CES2: variants seen among roughly 807,000 people sequenced by gnomAD.
The protein encoded by CES2 is cocaine esterase.
CES2 carries 42 observed loss-of-function variants against 52.1 expected under a neutral mutation model. The observed-to-expected ratio is 0.81, with a 90% CI of 0.63 to 1.04. The LOEUF is 1.04. Among genes scored for constraint, CES2 ranks in the 50% least tolerant of loss-of-function variants. The pLI, the probability that CES2 is intolerant of heterozygous loss-of-function variation, is 0.00. For synonymous variants in CES2, 277 were observed against 289.6 expected, an observed-to-expected ratio of 0.96 and a Z score of 0.44; for missense variants, 656 against 724.3, an observed-to-expected ratio of 0.91 and a Z score of 1.08.
rs1214941885 is a variant in CES2 at position 66,944,116 on chromosome 16, G to A, written c.*91G>A. On this transcript the variant is annotated 3_prime_UTR_variant, in exon 12 of 12. Transcript: ENST00000317091. Reference sequence around the variant, plus strand: ...CACACCCACTAAGGAGAAAGAAGTTGATTCCTTCATTCACTTCGCCATTCA... The same window carrying A: ...CACACCCACTAAGGAGAAAGAAGTTAATTCCTTCATTCACTTCGCCATTCA... 6.8e-6 allele frequency: 4 copies of A among 590,196 alleles called. No homozygotes were observed. The highest frequency in any genetic ancestry group is 1.1e-5 in the Non-Finnish European group (4 of 357,966). The allele number at this position is 590,196 out of a possible 1,614,324, so 36.6% of individuals were successfully genotyped here.
At chr16:66,935,283 G>C, upstream of CES2, 1 of 738,398 alleles carries the variant, frequency 1.4e-6, no homozygotes, top group Non-Finnish European at 2.2e-6. Flanking sequence ...CCCCCAGCGC[G>C]CTCATCGGGC....
chr16:66,941,018 AGTACCCTCTGAGATTTGGG>A, intron 5 of CES2, 87 bp from the exon 6 acceptor site: 1 of 1,489,742 alleles, frequency 6.7e-7, no homozygotes, highest in Non-Finnish European at 9.1e-7. Flanking sequence ...ACTCATACGA[AGTACCCTCTGAGATTTGGG>A]GTACCCCTGT....
Position 66,941,494 on chromosome 16 carries a change from A to G in CES2, c.916-12A>G, listed in dbSNP as rs765167043. On this transcript the variant is annotated splice_polypyrimidine_tract_variant and intron_variant, in intron 6 of 11. Coordinates refer to ENST00000317091, the MANE Select transcript of CES2 (RefSeq NM_001365405.1). ...ACCTGACCTTGTTCCCTGACCTTAC[A>G]TTTCCCCTCAGCCTTTCAAGATGAT... 10 of 1,613,398 alleles carry G rather than the reference A, an allele frequency of 6.2e-6. No individual in the cohort carries two copies. Among genetic ancestry groups the G allele is most frequent in the Non-Finnish European group, 8.5e-6 (10 of 1,179,766 alleles).
At position 66,941,303 on chromosome 16, in the gene CES2, C is replaced by T. The variant is rs963935299; in HGVS notation, c.915+81C>T. On this transcript the variant is annotated intron_variant, in intron 6 of 11. Coordinates refer to ENST00000317091, the MANE Select transcript of CES2 (RefSeq NM_001365405.1). ...CAGGCCTGCACGGCCGTCATATTCC[C>T]TGGGCACATTACCTCATCTGCATGC... 2.6e-6 allele frequency: 4 copies of T among 1,566,468 alleles called. No individual in the cohort carries two copies. In the Admixed American group the frequency reaches 7.4e-5, roughly 29 times the overall value.
intron 1 of CES2, among the ~76,000 whole-genome samples, chr16:66,936,551 G>A (rs985133616): frequency 6.6e-6 from 1 of 152,124 alleles, no homozygotes; most frequent in Non-Finnish European, 1.5e-5. Flanking sequence ...AGAGCTCGTG[G>A]TGTCCCTCAT....
Position 66,935,564 on chromosome 16 carries a change from AC to A in CES2, c.-71del. ...GGGCAAGGCACTGATCCACTGCTGGACAGACCCGGGGCAGCCTCTGGGTGAA... is the reference window on the plus strand; with the variant it reads ...GGGCAAGGCACTGATCCACTGCTGGAAGACCCGGGGCAGCCTCTGGGTGAA... On this transcript the variant is annotated 5_prime_UTR_variant, in exon 1 of 12. Transcript: ENST00000317091. 1 of 1,613,902 alleles carries A rather than the reference AC, an allele frequency of 6.2e-7. No homozygotes were observed. The highest frequency in any genetic ancestry group is 1.1e-5 in the South Asian group (1 of 91,084).
intron 5 of CES2, 63 bp from the exon 6 acceptor site, chr16:66,941,061 C>T: frequency 6.2e-7 from 1 of 1,603,054 alleles, no homozygotes; most frequent in Non-Finnish European, 8.5e-7. Flanking sequence ...TGGCCAGGGC[C>T]TTGGGCAAAC....
At chr16:66,942,084 T>C (rs756714897) in intron 8 of CES2, 21 bp from the exon 9 acceptor site, 6 of 1,593,174 alleles carry the variant, frequency 3.8e-6, no homozygotes, top group Non-Finnish European at 5.1e-6. Context: ...AACCTGCCTC[T>C]TCCTGATCCA....
At position 66,938,945 on chromosome 16, in the gene CES2, T is replaced by C. The variant is rs562627370; in HGVS notation, c.282-272T>C. Among the ~76,000 whole-genome samples, 7 of 152,288 alleles carry C rather than the reference T, an allele frequency of 4.6e-5. No individual in the cohort carries two copies. The South Asian group carries it at 6.2e-4, about 14-fold the overall frequency. ...CAACACATGCAGCCAATGGTTCTCA[T>C]AGAAACCCCTAAGAGTCAAGGTTTC... On this transcript the variant is annotated intron_variant, in intron 2 of 11. Coordinates refer to ENST00000317091, the MANE Select transcript of CES2 (RefSeq NM_001365405.1).
chr16:66,942,411 C>T (rs920606361), intron 9 of CES2, 162 bp downstream of exon 9: 51 of 866,452 alleles, frequency 5.9e-5, no homozygotes, highest in Middle Eastern at 3.6e-4. Context: ...CCCAAGAATC[C>T]GACATTTCCC....
At chr16:66,936,929 C>T (rs1963230824) in intron 1 of CES2, among the ~76,000 whole-genome samples, 1 of 151,776 alleles carries the variant, frequency 6.6e-6, no homozygotes, top group African/African-American at 2.4e-5. Flanking sequence ...CACCTGTTAT[C>T]CCAGCACTTT....
rs1963406751 is a variant in CES2 at position 66,943,235 on chromosome 16, G to C, written c.1421-64G>C. ...CCGAGGTCTCGGGGGCCAAGGACGA[G>C]CTCCACCTGGGATGCTGAGGTTGGA... On this transcript the variant is annotated intron_variant, in intron 10 of 11. Transcript: ENST00000317091. This position sits in a 1 kb window ranked among gnomAD's most constrained non-coding sequence, Gnocchi z 4.2. 4 of 1,563,822 alleles carry C rather than the reference G, an allele frequency of 2.6e-6. No individual in the cohort carries two copies. Among genetic ancestry groups the C allele is most frequent in the Non-Finnish European group, 3.5e-6 (4 of 1,138,464 alleles).
rs1214744929 is a variant in CES2, at chr16:66,943,068, T to C, written c.1421-231T>C. 6.6e-6 allele frequency among the ~76,000 whole-genome samples: 1 copy of C among 151,958 alleles called. No homozygotes were observed. The highest frequency in any genetic ancestry group is 1.5e-5 in the Non-Finnish European group (1 of 68,016). On this transcript the variant is annotated intron_variant, in intron 10 of 11. Coordinates refer to ENST00000317091, the MANE Select transcript of CES2 (RefSeq NM_001365405.1). The surrounding 1 kb of genome is among the most constrained non-coding windows in gnomAD (Gnocchi z 4.2). The stretch of plus-strand genomic sequence containing the variant: ...TTATTTCTTCAGTGACTCCCAGAGA[T>C]AGAAGGAAGAAGGGGCCTTTGGGGC...
chr16:66,936,287 G>A (rs1963214890), intron 1 of CES2, among the ~76,000 whole-genome samples: 1 of 152,142 alleles, frequency 6.6e-6, no homozygotes, highest in South Asian at 2.1e-4. Context: ...ACTTTAGAAG[G>A]CCAAGGGAGA....
intron 1 of CES2, 31 bp downstream of exon 1, chr16:66,935,742 C>A: frequency 6.3e-7 from 1 of 1,598,806 alleles, no homozygotes; most frequent in Non-Finnish European, 8.5e-7. Context: ...CGACAGGGAC[C>A]GGGCTCAGAT....
intron 2 of CES2, 76 bp from the exon 3 acceptor site, chr16:66,939,141 G>T: frequency 7.7e-7 from 1 of 1,298,974 alleles, no homozygotes; most frequent in Non-Finnish European, 1.1e-6. Flanking sequence ...GAGGGTGGCT[G>T]GGAGCACCTC....
In CES2 at chr16:66,935,528, A is replaced by T. The variant is rs1242442686; in HGVS notation, c.-108A>T. ...CCCGCTGACTCCCTGCCCAGTCCAAACTCCAAGGCTGGGCAAGGCACTGAT... is the reference window on the plus strand; with the variant it reads ...CCCGCTGACTCCCTGCCCAGTCCAATCTCCAAGGCTGGGCAAGGCACTGAT... On this transcript the variant is annotated 5_prime_UTR_variant, in exon 1 of 12. Transcript: ENST00000317091. The T allele has an allele frequency of 1.2e-6, 2 of 1,613,672 alleles. No homozygotes were observed. Among genetic ancestry groups the T allele is most frequent in the East Asian group, 4.5e-5 (2 of 44,844 alleles).
In CES2 at chr16:66,942,143, G is replaced by C. The variant is rs1453745326; in HGVS notation, c.1176G>C (p.Glu392Asp). The C allele has an allele frequency of 6.2e-7, 1 of 1,613,016 alleles. No individual in the cohort carries two copies. The highest frequency in any genetic ancestry group is 1.3e-5 in the African/African-American group (1 of 74,916). The change falls in exon 9 of 12, where the codon GAG becomes GAC. Residue 392 changes from glutamate (E) to aspartate (D), a missense_variant. Glu to Asp is a conservative substitution (Grantham distance 45). Coordinates refer to ENST00000317091, the MANE Select transcript of CES2 (RefSeq NM_001365405.1). ...PPTFGDLLRE[E>D]YIGDNGDPQT... ...CATTTGGTGACCTGCTGAGGGAGGAGTACATTGGGGACAATGGGGATCCCC... is the reference window on the plus strand; with the variant it reads ...CATTTGGTGACCTGCTGAGGGAGGACTACATTGGGGACAATGGGGATCCCC...
At position 66,943,005 on chromosome 16, in the gene CES2, G is replaced by A. The variant is rs1427812294; in HGVS notation, c.1420+220G>A. On this transcript the variant is annotated intron_variant, in intron 10 of 11. Transcript: ENST00000317091. This position sits in a 1 kb window ranked among gnomAD's most constrained non-coding sequence, Gnocchi z 4.2. Reference sequence around the variant, plus strand: ...CCTCTGCCTCTCCCCAGCCATGGGTGTCTGGCCTGGTGCAGAACAGGTGTT... The same window carrying A: ...CCTCTGCCTCTCCCCAGCCATGGGTATCTGGCCTGGTGCAGAACAGGTGTT... Among the ~76,000 whole-genome samples, 1 of 152,206 alleles carries A rather than the reference G, an allele frequency of 6.6e-6. No individual in the cohort carries two copies. Among genetic ancestry groups the A allele is most frequent in the Non-Finnish European group, 1.5e-5 (1 of 68,036 alleles).
Sources: allele counts gnomAD v4.1 joint callset (sites outside exome capture counted in the v4.1 genomes callset), GRCh38; gene constraint gnomAD v4.1.1; non-coding constraint Gnocchi (gnomAD v3.1); transcripts MANE v1.5; gene names NCBI Gene and HGNC (gene_info 2026-07-23, HGNC 2026-07-21).